Variants in DACH2 observed in about 807,000 individuals in gnomAD.
The protein encoded by DACH2 is dachshund homolog 2.
Under a neutral mutation model 35.8 loss-of-function variants are expected in DACH2, and 17 were observed. The observed-to-expected ratio is 0.48, with a 90% CI of 0.33 to 0.71. The LOEUF (loss-of-function observed/expected upper bound fraction) is 0.71. DACH2 is among the 30% of genes least tolerant of loss of function. The pLI, the probability that DACH2 is intolerant of heterozygous loss-of-function variation, is 0.02. For missense variants in DACH2, 469 were observed against 472.7 expected (o/e 0.99, Z 0.07); for synonymous variants, 195 against 177.3 (o/e 1.10, Z -0.79).
At chrX:86,545,769 A>T (rs1022646502) in intron 3 of DACH2, among the ~76,000 whole-genome samples, 1 of 111,735 alleles carries the variant, frequency 8.9e-6, no homozygotes, top group Non-Finnish European at 1.9e-5. Context: ...AGGGAAAAGA[A>T]ACTTTATTAA....
chrX:86,340,717 A>G (rs1257967627), intron 1 of DACH2, among the ~76,000 whole-genome samples: 1 of 112,180 alleles, frequency 8.9e-6, no homozygotes, highest in Non-Finnish European at 1.9e-5. Context: ...CAGGTCATGA[A>G]TGCAAAGGAA....
chrX:86,354,848 GAA>G lies in DACH2; in HGVS notation c.489-21966_489-21965del, dbSNP rs1200395225. On this transcript the variant is annotated intron_variant, in intron 1 of 11. Transcript: ENST00000373125. ...AAAAATAAAATAAAAAAAAATAAAT[GAA>G]AAAAAAAAACAAAACAAAACAAAAT... is the stretch of plus-strand genomic sequence containing the variant. Among the ~76,000 whole-genome samples the G allele has an allele frequency of 1.4e-4, 2 of 14,257 alleles. 1 individual carries two copies. The highest frequency in any genetic ancestry group is 2.4e-4 in the Non-Finnish European group (2 of 8,173). The allele number at this position is 14,257 out of a possible 115,157, so 12.4% of individuals were successfully genotyped here.
chrX:86,312,020 C>T (rs1328407132), intron 1 of DACH2, among the ~76,000 whole-genome samples: 1 of 110,979 alleles, frequency 9.0e-6, no homozygotes, highest in Non-Finnish European at 1.9e-5. Flanking sequence ...TTAGGTCACC[C>T]CACCAGGAAA....
intron 5 of DACH2, among the ~76,000 whole-genome samples, chrX:86,699,554 C>T (rs2041114404): frequency 9.0e-6 from 1 of 111,273 alleles, no homozygotes; most frequent in South Asian, 3.8e-4. Flanking sequence ...GAAACCACTC[C>T]CATGATTCAA....
At chrX:86,197,784 C>T (rs924791852) in intron 1 of DACH2, among the ~76,000 whole-genome samples, 6 of 111,037 alleles carry the variant, frequency 5.4e-5, no homozygotes, top group South Asian at 3.8e-4. Context: ...TCTTAGAGAC[C>T]GTCAAAGAGA....
At chrX:86,417,649 G>A (rs1291713866) in intron 2 of DACH2, among the ~76,000 whole-genome samples, 1 of 111,419 alleles carries the variant, frequency 9.0e-6, no homozygotes, top group Non-Finnish European at 1.9e-5. Context: ...CCCATATCAT[G>A]TGGGAATGGT....
chrX:86,719,748 T>C (rs1157175382), intron 6 of DACH2, among the ~76,000 whole-genome samples: 1 of 109,145 alleles, frequency 9.2e-6, no homozygotes, highest in Non-Finnish European at 1.9e-5. Context: ...CATGATTCAA[T>C]TACCTCTACC....
chrX:86,336,348 G>T (rs2148054985), intron 1 of DACH2, among the ~76,000 whole-genome samples: 1 of 111,991 alleles, frequency 8.9e-6, no homozygotes, highest in African/African-American at 3.2e-5. Flanking sequence ...TGTACCTCTG[G>T]TAGAATTCAG....
rs768325063 is a variant in DACH2, at chrX:86,501,996, A to ATCCTTCTT, written c.528-12268_528-12261dup. Among the ~76,000 whole-genome samples the ATCCTTCTT allele has an allele frequency of 3.2e-5, 3 of 94,206 alleles. No homozygotes were observed. The Admixed American group carries it at 3.4e-4, about 11-fold the overall frequency. The allele number at this position is 94,206 out of a possible 115,157, so 81.8% of individuals were successfully genotyped here. On this transcript the variant is annotated intron_variant, in intron 2 of 11. Transcript: ENST00000373125. ...GTATCCTGGCAAAACATTTTGAATA[A>ATCCTTCTT]TCCTTCTTTCCTTCTTTCCTTCCTT...
At chrX:86,317,673 C>T (rs898083031) in intron 1 of DACH2, among the ~76,000 whole-genome samples, 23 of 112,200 alleles carry the variant, frequency 2.0e-4, no homozygotes, top group Non-Finnish European at 3.6e-4. Context: ...GAGTGATCAC[C>T]TTTACATAGG....
intron 5 of DACH2, among the ~76,000 whole-genome samples, chrX:86,700,416 T>C (rs1475702304): frequency 2.7e-5 from 3 of 111,201 alleles, no homozygotes; most frequent in Non-Finnish European, 3.8e-5. Context: ...CTCTAAGAAC[T>C]TGCTTTATGA....
chrX:86,386,578 C>A (rs2036126210), intron 2 of DACH2, among the ~76,000 whole-genome samples: 1 of 111,176 alleles, frequency 9.0e-6, no homozygotes, highest in African/African-American at 3.3e-5. Flanking sequence ...TTATTTATAT[C>A]AGCATAGACT....
chrX:86,343,767 A>G (rs2035452152), intron 1 of DACH2, among the ~76,000 whole-genome samples: 1 of 111,624 alleles, frequency 9.0e-6, no homozygotes, highest in African/African-American at 3.3e-5. Flanking sequence ...GTAAACTTGT[A>G]TTTATTATAT....
At chrX:86,831,974 A>T in intron 11 of DACH2, 132 bp from the exon 12 acceptor site, 1 of 424,770 alleles carries the variant, frequency 2.4e-6, no homozygotes, top group Non-Finnish European at 4.0e-6. Context: ...AGAAATGTTA[A>T]ATTTTACCAA....
chrX:86,408,473 G>A (rs905329393), intron 2 of DACH2, among the ~76,000 whole-genome samples: 1 of 111,488 alleles, frequency 9.0e-6, no homozygotes, highest in East Asian at 2.8e-4. Context: ...TAATATAGAT[G>A]GAGTGAATAA....
intron 3 of DACH2, among the ~76,000 whole-genome samples, chrX:86,534,488 T>C (rs1240057567): frequency 2.7e-5 from 3 of 112,109 alleles, no homozygotes; most frequent in African/African-American, 9.7e-5. Context: ...CAATATCACT[T>C]AAATAAAAAT....
At chrX:86,673,381 G>GCT (rs753861062) in intron 4 of DACH2, among the ~76,000 whole-genome samples, 1 of 107,933 alleles carries the variant, frequency 9.3e-6, no homozygotes, top group South Asian at 4.2e-4. Flanking sequence ...ATATTTTGGA[G>GCT]CTTTAAGATT....
In DACH2 at chrX:86,646,264, AAAGT is replaced by A. The variant is rs202175238; in HGVS notation, c.641-4769_641-4766del. On this transcript the variant is annotated intron_variant, in intron 3 of 11. Transcript: ENST00000373125. Reference sequence around the variant, plus strand: ...ACATGTATACATGCGCATAGAGTGTAAAGTAATAGTCATTGGAGATTCAGAAGGG... The same window carrying A: ...ACATGTATACATGCGCATAGAGTGTAAATAGTCATTGGAGATTCAGAAGGG... Among the ~76,000 whole-genome samples, 823 of 109,872 alleles carry A rather than the reference AAAGT, an allele frequency of 7.5e-3. 2 individuals carry two copies. The highest frequency in any genetic ancestry group is 0.012 in the Non-Finnish European group (607 of 52,381).
chrX:86,666,340 C>A (rs1372135341), intron 4 of DACH2, among the ~76,000 whole-genome samples: 9 of 98,863 alleles, frequency 9.1e-5, no homozygotes, highest in Non-Finnish European at 1.9e-4. Flanking sequence ...AGAATAAGCA[C>A]ATGCATGCTG....
Sources: allele counts gnomAD v4.1 joint callset (sites outside exome capture counted in the v4.1 genomes callset), GRCh38; gene constraint gnomAD v4.1.1; transcripts MANE v1.5; gene names NCBI Gene and HGNC (gene_info 2026-07-23, HGNC 2026-07-21).